Variants in L3MBTL4 observed in about 807,000 individuals in gnomAD.
The protein encoded by L3MBTL4 is L3MBTL histone methyl-lysine binding protein 4.
Under a neutral mutation model 84.5 loss-of-function variants are expected in L3MBTL4, and 70 were observed. The ratio of observed to expected loss-of-function variants is 0.83; its 90% CI spans 0.68 to 1.01. L3MBTL4 has a LOEUF of 1.01. Among genes scored for constraint, L3MBTL4 ranks in the 50% least tolerant of loss-of-function variants. L3MBTL4 has a pLI of 0.00. For synonymous variants in L3MBTL4, 274 were observed against 259.8 expected (o/e 1.05, Z -0.52); for missense variants, 715 against 754.8 (o/e 0.95, Z 0.62).
chr18:6,266,962 A>T (rs2146419360), intron 4 of L3MBTL4, among the ~76,000 whole-genome samples: 1 of 151,834 alleles, frequency 6.6e-6, no homozygotes, highest in East Asian at 1.9e-4. Context: ...TAGTAATAAT[A>T]ATAATTTCTG....
At chr18:6,304,023 A>AC (rs1312109433) in intron 3 of L3MBTL4, among the ~76,000 whole-genome samples, 2 of 144,250 alleles carry the variant, frequency 1.4e-5, no homozygotes, top group Non-Finnish European at 3.1e-5. Flanking sequence ...TCAAAAAAAA[A>AC]AAAAAACAAA....
At chr18:6,181,599 G>A (rs1176649471) in intron 12 of L3MBTL4, among the ~76,000 whole-genome samples, 1 of 151,990 alleles carries the variant, frequency 6.6e-6, no homozygotes, top group Non-Finnish European at 1.5e-5. Flanking sequence ...CAAAGTGCTG[G>A]GATTACAGGT....
At chr18:6,282,277 T>C (rs2049354683) in intron 4 of L3MBTL4, among the ~76,000 whole-genome samples, 1 of 152,148 alleles carries the variant, frequency 6.6e-6, no homozygotes, top group Non-Finnish European at 1.5e-5. Flanking sequence ...TAATCTGATA[T>C]AATTGCAAAC....
At chr18:6,399,471 G>A (rs2055423329) in intron 1 of L3MBTL4, among the ~76,000 whole-genome samples, 1 of 151,954 alleles carries the variant, frequency 6.6e-6, no homozygotes, top group Non-Finnish European at 1.5e-5. Context: ...AGGAAACAGT[G>A]GCACCTAACT....
chr18:6,030,704 T>C lies in L3MBTL4; in HGVS notation c.1444+50177A>G. The C allele has an allele frequency of 3.1e-6, 3 of 973,244 alleles. No individual in the cohort carries two copies. The South Asian group carries it at 1.4e-4, about 46-fold the overall frequency. The allele number at this position is 973,244 out of a possible 1,614,324, so 60.3% of individuals were successfully genotyped here. ...AAAAAATTTGTTTCAATTTTTTCTTTGTATTTAGTTTAATGCTATCTCCAT... is the reference window on the plus strand; with the variant it reads ...AAAAAATTTGTTTCAATTTTTTCTTCGTATTTAGTTTAATGCTATCTCCAT... On this transcript the variant is annotated intron_variant, in intron 16 of 18. Coordinates refer to ENST00000317931, the MANE Select transcript of L3MBTL4 (RefSeq NM_001330559.2).
intron 12 of L3MBTL4, among the ~76,000 whole-genome samples, chr18:6,193,452 C>G (rs1406537999): frequency 1.3e-5 from 2 of 152,178 alleles, no homozygotes; most frequent in African/African-American, 4.8e-5. Flanking sequence ...TCACCTCCAG[C>G]CCCCAAAGGG....
chr18:6,345,215 C>CAAAAAAAAAAAAAAAAAAAAA (rs35502624), intron 1 of L3MBTL4, among the ~76,000 whole-genome samples: 4 of 38,484 alleles, frequency 1.0e-4, no homozygotes, highest in East Asian at 7.1e-4. Flanking sequence ...TACTAAAATA[C>CAAAAAAAAAAAAAAAAAAAAA]AAAAAAAAAA....
At chr18:6,333,910 A>G (rs2052185051) in intron 1 of L3MBTL4, among the ~76,000 whole-genome samples, 1 of 152,212 alleles carries the variant, frequency 6.6e-6, no homozygotes, top group African/African-American at 2.4e-5. Flanking sequence ...GAAGTTACAT[A>G]TATCTGTACT....
At chr18:6,326,291 A>G (rs754267839) in intron 1 of L3MBTL4, 3 of 152,250 alleles carry the variant, frequency 2.0e-5, no homozygotes, top group Non-Finnish European at 4.4e-5. Flanking sequence ...GAGATTTAAC[A>G]TCTGTGACAA....
At chr18:6,378,106 TA>T (rs1429972972) in intron 1 of L3MBTL4, among the ~76,000 whole-genome samples, 5 of 152,384 alleles carry the variant, frequency 3.3e-5, no homozygotes, top group African/African-American at 1.2e-4. Flanking sequence ...GTTGCCTGCA[TA>T]AATGGCTTCT....
chr18:6,284,881 C>T (rs2049494923), intron 4 of L3MBTL4, among the ~76,000 whole-genome samples: 1 of 152,216 alleles, frequency 6.6e-6, no homozygotes, highest in African/African-American at 2.4e-5. Flanking sequence ...CCAGCGTGGG[C>T]AGTCGGAGCC....
At chr18:6,393,287 C>T (rs922556518) in intron 1 of L3MBTL4, among the ~76,000 whole-genome samples, 1 of 152,126 alleles carries the variant, frequency 6.6e-6, no homozygotes, top group Non-Finnish European at 1.5e-5. Flanking sequence ...TAGCCCCAAA[C>T]CGGAATTCAG....
chr18:6,192,613 G>C (rs62079179), intron 12 of L3MBTL4, among the ~76,000 whole-genome samples: 3 of 152,182 alleles, frequency 2.0e-5, no homozygotes, highest in African/African-American at 7.2e-5. Flanking sequence ...TTTTAGGAGA[G>C]GGAAAAAAAG....
intron 4 of L3MBTL4, among the ~76,000 whole-genome samples, chr18:6,286,082 G>A (rs563751717): frequency 3.3e-5 from 5 of 151,606 alleles, no homozygotes; most frequent in South Asian, 2.1e-4. Context: ...CGCCCGCCTC[G>A]GCCTCCCAAA....
At chr18:6,377,152 A>G (rs1416226222) in intron 1 of L3MBTL4, among the ~76,000 whole-genome samples, 1 of 152,098 alleles carries the variant, frequency 6.6e-6, no homozygotes, top group Non-Finnish European at 1.5e-5. Context: ...ACTGTGTTGT[A>G]TTTTGTTTAT....
chr18:6,229,243 A>G (rs2046897568), intron 10 of L3MBTL4, among the ~76,000 whole-genome samples: 1 of 152,210 alleles, frequency 6.6e-6, no homozygotes. Flanking sequence ...GGGAAGAAGA[A>G]TGCTGTTTTT....
At chr18:6,105,322 C>G (rs998181855) in intron 14 of L3MBTL4, among the ~76,000 whole-genome samples, 6 of 151,186 alleles carry the variant, frequency 4.0e-5, no homozygotes, top group Non-Finnish European at 8.8e-5. Flanking sequence ...TCCCAAGTAG[C>G]AGGATTACAG....
intron 1 of L3MBTL4, chr18:6,356,727 AG>A (rs765841470): frequency 7.9e-5 from 12 of 152,252 alleles, no homozygotes; most frequent in Non-Finnish European, 1.6e-4. Flanking sequence ...TGGGTGGATC[AG>A]TGAATGAGCG....
chr18:6,341,862 GA>G (rs963247493), intron 1 of L3MBTL4, among the ~76,000 whole-genome samples: 3 of 148,034 alleles, frequency 2.0e-5, no homozygotes, highest in East Asian at 2.0e-4. Context: ...TGTCAAAAAT[GA>G]AAAAAAAAGA....
Sources: gnomAD v4.1 joint callset for allele counts (sites outside exome capture counted in the v4.1 genomes callset) on GRCh38, gnomAD v4.1.1 for gene constraint, MANE v1.5 for transcripts, NCBI Gene and HGNC (gene_info 2026-07-23, HGNC 2026-07-21) for gene names.